Variants in SGCD observed in about 807,000 individuals in gnomAD.
SGCD encodes the protein sarcoglycan delta, also known as delta-sarcoglycan.
A neutral mutation model predicts 36.6 loss-of-function variants in SGCD; 18 were observed. The ratio of observed to expected loss-of-function variants is 0.49; its 90% confidence interval spans 0.34 to 0.73. The LOEUF (loss-of-function observed/expected upper bound fraction) is 0.73. Ranked by LOEUF, SGCD falls within the 30% of genes least tolerant of loss-of-function variation. The pLI is 0.01. For missense variants in SGCD, 387 were observed against 346.7 expected, an observed-to-expected ratio of 1.12 and a Z score of -0.92; for synonymous variants, 133 against 130.6, an observed-to-expected ratio of 1.02 and a Z score of -0.12.
At chr5:155,755,891 G>T in the SGCD span, among the ~76,000 whole-genome samples, 1 of 152,176 alleles carries the variant, frequency 6.6e-6, no homozygotes, top group Non-Finnish European at 1.5e-5. Context: ...TAGATGAATG[G>T]TTTTTGTCTT....
intron 1 of SGCD, among the ~76,000 whole-genome samples, chr5:155,947,430 C>A (rs572590092): frequency 1.3e-5 from 2 of 151,020 alleles, no homozygotes; most frequent in Middle Eastern, 3.4e-3. Flanking sequence ...AAAGATGGAA[C>A]TTTTTTGGTG....
intron 4 of SGCD, among the ~76,000 whole-genome samples, chr5:156,523,689 C>A (rs752151229): frequency 6.6e-6 from 1 of 151,880 alleles, no homozygotes; most frequent in Non-Finnish European, 1.5e-5. Context: ...TAGAGTGTTT[C>A]GATATTCTTA....
At chr5:156,461,224 A>G (rs894243813) in intron 3 of SGCD, among the ~76,000 whole-genome samples, 1 of 152,052 alleles carries the variant, frequency 6.6e-6, no homozygotes, top group East Asian at 1.9e-4. Flanking sequence ...GTGGTATAAG[A>G]TGTGTATTGC....
chr5:156,593,171 C>T (rs1760791262), intron 5 of SGCD, among the ~76,000 whole-genome samples: 1 of 152,068 alleles, frequency 6.6e-6, no homozygotes, highest in Admixed American at 6.5e-5. Context: ...AATGATTTGC[C>T]CCAAATCATG....
In SGCD at chr5:156,555,779, G is replaced by T. The variant is rs145915412; in HGVS notation, c.295-33452G>T. 2.2e-3 allele frequency among the ~76,000 whole-genome samples: 334 copies of T among 151,622 alleles called. 1 individual carries two copies. The highest frequency in any genetic ancestry group is 7.6e-3 in the African/African-American group (315 of 41,340). Reference sequence around the variant, plus strand: ...GCATTTAATCTGTAGATCAGTGAGAGTATTTCCATCTTCATAATATTGTCC... The same window carrying T: ...GCATTTAATCTGTAGATCAGTGAGATTATTTCCATCTTCATAATATTGTCC... On this transcript the variant is annotated intron_variant, in intron 4 of 8. Coordinates refer to ENST00000337851, the MANE Select transcript of SGCD (RefSeq NM_000337.6).
intron 3 of SGCD, among the ~76,000 whole-genome samples, chr5:156,485,291 A>G (rs931242585): frequency 6.6e-6 from 1 of 152,162 alleles, no homozygotes; most frequent in Non-Finnish European, 1.5e-5. Flanking sequence ...GGAAAAAACT[A>G]TTTCTTCCTT....
intron 3 of SGCD, among the ~76,000 whole-genome samples, chr5:156,431,170 C>T (rs1171053193): frequency 6.6e-6 from 1 of 152,180 alleles, no homozygotes; most frequent in Non-Finnish European, 1.5e-5. Context: ...CTCACAGCCT[C>T]ATTCCTATTT....
At chr5:156,184,535 T>C (rs1228521851) in intron 3 of SGCD, among the ~76,000 whole-genome samples, 1 of 152,214 alleles carries the variant, frequency 6.6e-6, no homozygotes, top group African/African-American at 2.4e-5. Flanking sequence ...CATATGTTTA[T>C]TGATTGCTTC....
At position 156,069,755 on chromosome 5, in the gene SGCD, A is replaced by G. The variant is rs1190906481; in HGVS notation, c.-281-48123A>G. 4.3e-4 allele frequency among the ~76,000 whole-genome samples: 61 copies of G among 141,890 alleles called. 1 individual carries two copies. Among genetic ancestry groups the G allele is most frequent in the African/African-American group, 1.6e-3 (58 of 35,194 alleles). The allele number at this position is 141,890 out of a possible 152,430, so 93.1% of individuals were successfully genotyped here. ...ACGATATTGATTCTTCCTACCCATA[A>G]GCATGGAATGAAAATGTTCTTCCAT... is the stretch of plus-strand genomic sequence containing the variant. On this transcript the variant is annotated intron_variant, in intron 1 of 9. Coordinates refer to the SGCD transcript ENST00000517913.
chr5:156,240,449 C>T (rs935475979), intron 3 of SGCD, among the ~76,000 whole-genome samples: 2 of 152,058 alleles, frequency 1.3e-5, no homozygotes, highest in African/African-American at 4.8e-5. Flanking sequence ...GGGAGATAAG[C>T]AGATGCATGC....
At chr5:156,344,415 T>C in intron 2 of SGCD, 74 bp from the exon 3 acceptor site, 1 of 1,070,320 alleles carries the variant, frequency 9.3e-7, no homozygotes, top group Non-Finnish European at 1.4e-6. Flanking sequence ...CAGTTGATTT[T>C]TTTTTCCTTT....
chr5:156,219,186 C>T (rs946678236), intron 3 of SGCD, among the ~76,000 whole-genome samples: 7 of 152,170 alleles, frequency 4.6e-5, no homozygotes, highest in Middle Eastern at 3.2e-3. Context: ...ACTCATTGGA[C>T]CCCTTATCTA....
At chr5:155,955,159 T>G (rs1221880447) in intron 1 of SGCD, among the ~76,000 whole-genome samples, 1 of 152,106 alleles carries the variant, frequency 6.6e-6, no homozygotes, top group Non-Finnish European at 1.5e-5. Flanking sequence ...CAGAAGTTAA[T>G]CTTATCCAGG....
intron 3 of SGCD, among the ~76,000 whole-genome samples, chr5:156,355,319 A>G (rs1234966159): frequency 6.6e-6 from 1 of 152,040 alleles, no homozygotes; most frequent in Non-Finnish European, 1.5e-5. Context: ...ACAAACCAAA[A>G]CCATTTTAAT....
chr5:156,663,529 T>G (rs1764020520), intron 7 of SGCD, among the ~76,000 whole-genome samples: 1 of 148,382 alleles, frequency 6.7e-6, no homozygotes, highest in Non-Finnish European at 1.5e-5. Flanking sequence ...GCAGGAGTAA[T>G]AATTGAGCAA....
intron 1 of SGCD, among the ~76,000 whole-genome samples, chr5:156,041,206 G>A (rs1759625458): frequency 1.3e-5 from 2 of 152,214 alleles, no homozygotes; most frequent in African/African-American, 2.4e-5. Flanking sequence ...TCACAGATAA[G>A]CTGAGCTAAT....
At chr5:156,554,513 A>C (rs944215622) in intron 4 of SGCD, among the ~76,000 whole-genome samples, 46 of 150,778 alleles carry the variant, frequency 3.1e-4, no homozygotes, top group African/African-American at 1.0e-3. Context: ...TATAGGAAAA[A>C]CTGTTTGTGT....
chr5:156,140,301 A>C (rs887525338), intron 3 of SGCD, among the ~76,000 whole-genome samples: 1 of 152,210 alleles, frequency 6.6e-6, no homozygotes, highest in African/African-American at 2.4e-5. Context: ...TATTGCTGTG[A>C]ACTGAGCATT....
intron 3 of SGCD, among the ~76,000 whole-genome samples, chr5:156,425,103 A>G (rs1773615361): frequency 6.6e-6 from 1 of 152,076 alleles, no homozygotes; most frequent in African/African-American, 2.4e-5. Flanking sequence ...GCGAAAGCCA[A>G]CCTTATAAGC....
Sources: allele counts gnomAD v4.1 joint callset (sites outside exome capture counted in the v4.1 genomes callset), GRCh38; gene constraint gnomAD v4.1.1; transcripts MANE v1.5; gene names NCBI Gene and HGNC (gene_info 2026-07-23, HGNC 2026-07-21).